The following SSH1 variants were observed in gnomAD, a reference collection of about 807,000 sequenced individuals.
SSH1 encodes the protein protein phosphatase Slingshot homolog 1.
Under a neutral mutation model 79.7 loss-of-function variants are expected in SSH1, and 43 were observed. The ratio of observed to expected loss-of-function variants is 0.54; its 90% CI spans 0.42 to 0.70. SSH1 has a LOEUF of 0.70. Ranked by LOEUF, SSH1 falls within the 30% of genes least tolerant of loss-of-function variation. The pLI, the probability that SSH1 is intolerant of heterozygous loss-of-function variation, is 0.00. For synonymous variants in SSH1, 599 were observed against 538.3 expected (o/e 1.11, Z -1.56); for missense variants, 1,206 against 1,358.8 (o/e 0.89, Z 1.77).
intron 5 of SSH1, 58 bp downstream of exon 5, chr12:108,816,980 G>C: frequency 6.2e-7 from 1 of 1,609,506 alleles, no homozygotes; most frequent in Non-Finnish European, 8.5e-7. Context: ...GGAATGCTTT[G>C]TCCAGCAGCA....
At chr12:108,817,609 GT>G (rs2037951172) in intron 4 of SSH1, among the ~76,000 whole-genome samples, 1 of 151,624 alleles carries the variant, frequency 6.6e-6, no homozygotes. Flanking sequence ...CAAAGCGGAA[GT>G]TCTTGACAGC....
At chr12:108,829,239 A>G (rs2137218807) in intron 2 of SSH1, among the ~76,000 whole-genome samples, 1 of 152,276 alleles carries the variant, frequency 6.6e-6, no homozygotes, top group South Asian at 2.1e-4. Flanking sequence ...GAGGCAGAGA[A>G]TCACTTGAAC....
chr12:108,789,734 A>C (rs572365264), intron 14 of SSH1, among the ~76,000 whole-genome samples: 2 of 152,252 alleles, frequency 1.3e-5, no homozygotes, highest in South Asian at 2.1e-4. Context: ...CCAGCCAGAG[A>C]GAGCAGCATG....
At chr12:108,851,602 C>T (rs1318628485) in intron 2 of SSH1, among the ~76,000 whole-genome samples, 1 of 151,938 alleles carries the variant, frequency 6.6e-6, no homozygotes, top group Non-Finnish European at 1.5e-5. Context: ...AACAAAACAC[C>T]CAAACAAAGG....
chr12:108,848,121 G>T (rs567045137), intron 2 of SSH1, among the ~76,000 whole-genome samples: 1 of 152,162 alleles, frequency 6.6e-6, no homozygotes, highest in African/African-American at 2.4e-5. Context: ...AAAAGACTCC[G>T]AGGACCAGAA....
Position 108,807,907 on chromosome 12 carries a change from A to G in SSH1, c.537-80T>C. ...TTTCTCCTCTGACAAAGGGGTTCAA[A>G]TACGGGAAGGGAAGGGCAATGATTG... On this transcript the variant is annotated intron_variant, in intron 7 of 14. Coordinates refer to ENST00000326495, the MANE Select transcript of SSH1 (RefSeq NM_018984.4). The surrounding 1 kb of genome is among the most constrained non-coding windows in gnomAD (Gnocchi z 5.2). The G allele has an allele frequency of 7.7e-7, 1 of 1,293,244 alleles. No individual in the cohort carries two copies. The highest frequency in any genetic ancestry group is 2.4e-5 in the East Asian group (1 of 42,430). 80.1% of individuals were successfully genotyped at this position (1,293,244 alleles called of 1,614,324 possible). A position where few individuals can be genotyped will look rare whatever the true frequency, so the allele number is the denominator to read the frequency against.
At chr12:108,846,483 G>A (rs1227554421) in intron 2 of SSH1, among the ~76,000 whole-genome samples, 1 of 152,228 alleles carries the variant, frequency 6.6e-6, no homozygotes, top group Non-Finnish European at 1.5e-5. Context: ...GAACGGCACA[G>A]CTTCCAAAGA....
At position 108,800,786 on chromosome 12, in the gene SSH1, T is replaced by G. The variant is rs750596176; in HGVS notation, c.1142A>C (p.Lys381Thr). 1 of 1,613,684 alleles carries G rather than the reference T, an allele frequency of 6.2e-7. No homozygotes were observed. Among genetic ancestry groups the G allele is most frequent in the Non-Finnish European group, 8.5e-7 (1 of 1,179,860 alleles). ...HWNEAYHFIN[K>T]AKRNHSKCLV... is the part of the protein sequence containing the mutation. ...CGCCTCTCTGTCCACTTACTTCGCT[T>G]TGTTTATAAAATGATACGCTTCATT... The change falls in exon 12 of 15, where the codon AAA becomes ACA. Residue 381 changes from lysine (K) to threonine (T), a missense_variant. Around this residue, in one of 5 missense-constraint regions of SSH1, gnomAD observed 166 missense variants for 262.9 expected, o/e 0.63. Transcript: ENST00000326495.
At chr12:108,798,939 G>T in intron 13 of SSH1, 61 bp downstream of exon 13, 2 of 1,584,722 alleles carry the variant, frequency 1.3e-6, no homozygotes, top group Non-Finnish European at 1.7e-6. Flanking sequence ...GGCCTGGCTG[G>T]CTTGGCCACA....
chr12:108,803,661 C>T (rs1003067766), intron 10 of SSH1, among the ~76,000 whole-genome samples: 1 of 152,156 alleles, frequency 6.6e-6, no homozygotes, highest in Non-Finnish European at 1.5e-5. Flanking sequence ...AACGCGAGTG[C>T]CGCTGAAGCT....
At chr12:108,855,878 G>A (rs1471010335) in intron 1 of SSH1, among the ~76,000 whole-genome samples, 4 of 152,230 alleles carry the variant, frequency 2.6e-5, no homozygotes, top group African/African-American at 4.8e-5. Flanking sequence ...GGAGGGGGCT[G>A]TGAAGGTTCA....
intron 3 of SSH1, among the ~76,000 whole-genome samples, chr12:108,819,563 T>C (rs1377017399): frequency 1.3e-5 from 2 of 152,200 alleles, no homozygotes; most frequent in Non-Finnish European, 2.9e-5. Context: ...GTGTGGTGGC[T>C]CACACCTGTA....
chr12:108,807,940 G>A lies in SSH1; in HGVS notation c.537-113C>T. On this transcript the variant is annotated intron_variant, in intron 7 of 14. Transcript: ENST00000326495. This position sits in a 1 kb window ranked among gnomAD's most constrained non-coding sequence, Gnocchi z 5.2. ...AGGGAAGGGCAATGATTGATTGGTT[G>A]ATTATTTCTTTTTGGGACAGAGTCT... 1 of 967,710 alleles carries A rather than the reference G, an allele frequency of 1.0e-6. No homozygotes were observed. Among genetic ancestry groups the A allele is most frequent in the East Asian group, 2.6e-5 (1 of 38,446 alleles). 59.9% of individuals were successfully genotyped at this position (967,710 alleles called of 1,614,324 possible).
chr12:108,817,709 T>A (rs966243271), intron 4 of SSH1, among the ~76,000 whole-genome samples: 2 of 152,202 alleles, frequency 1.3e-5, no homozygotes, highest in Non-Finnish European at 2.9e-5. Flanking sequence ...AGTGAACACA[T>A]GAAATCCAAA....
chr12:108,791,707 C>T (rs1173045894), intron 14 of SSH1, among the ~76,000 whole-genome samples: 7 of 152,198 alleles, frequency 4.6e-5, no homozygotes, highest in East Asian at 1.9e-4. Flanking sequence ...TGCAGTGAAC[C>T]GTGATCATGC....
In SSH1 at chr12:108,792,783, G is replaced by A. The variant is rs1565971314; in HGVS notation, c.1396C>T (p.Leu466Phe). Residue 466 changes from leucine to phenylalanine, a missense_variant, in exon 14 of 15, where the codon CTC becomes TTC. Leu to Phe is a conservative substitution (Grantham distance 22, BLOSUM62 0). Coordinates refer to ENST00000326495, the MANE Select transcript of SSH1 (RefSeq NM_018984.4). ...KLWRQQTDSSLQQPVDDPAGP... is the reference protein window; with the variant it reads ...KLWRQQTDSSFQQPVDDPAGP... ...GCAGGGTCATCCACAGGCTGCTGGA[G>A]GCTGCTGTCTGTCTGCTGACGCCAC... The A allele has an allele frequency of 1.2e-6, 2 of 1,613,976 alleles. No individual in the cohort carries two copies. Among genetic ancestry groups the A allele is most frequent in the South Asian group, 1.1e-5 (1 of 91,090 alleles).
chr12:108,829,400 C>T (rs2038418405), intron 2 of SSH1, among the ~76,000 whole-genome samples: 1 of 152,198 alleles, frequency 6.6e-6, no homozygotes, highest in Non-Finnish European at 1.5e-5. Context: ...AATTTACATT[C>T]TACCATATAT....
At chr12:108,809,613 G>T in intron 7 of SSH1, 80 bp downstream of exon 7, 6 of 1,208,488 alleles carry the variant, frequency 5.0e-6, no homozygotes, top group South Asian at 1.2e-5. Flanking sequence ...CGAGCTTCTT[G>T]GTAGAAGGGG....
In SSH1 at chr12:108,857,049, G is replaced by A. The variant is rs749855650; in HGVS notation, c.69+379C>T. On this transcript the variant is annotated intron_variant, in intron 1 of 14. Coordinates refer to ENST00000326495, the MANE Select transcript of SSH1 (RefSeq NM_018984.4). This position sits in a 1 kb window ranked among gnomAD's most constrained non-coding sequence, Gnocchi z 4.7. ...CACAGTCTCTGCACAGTCACCCTTA[G>A]GGGTCACAACGCACACAGTCTCCGC... 6.6e-6 allele frequency among the ~76,000 whole-genome samples: 1 copy of A among 152,224 alleles called. No individual in the cohort carries two copies. The highest frequency in any genetic ancestry group is 1.5e-5 in the Non-Finnish European group (1 of 68,034).
Sources: allele counts gnomAD v4.1 joint callset (sites outside exome capture counted in the v4.1 genomes callset), GRCh38; gene constraint gnomAD v4.1.1; regional missense constraint gnomAD v4.1.1; non-coding constraint Gnocchi (gnomAD v3.1); transcripts MANE v1.5; gene names NCBI Gene and HGNC (gene_info 2026-07-23, HGNC 2026-07-21).